Variants in TTLL6 observed in about 807,000 individuals in gnomAD.
The protein encoded by TTLL6 is tubulin tyrosine ligase like 6.
In TTLL6, 75 loss-of-function variants were observed where a neutral mutation model predicts 96.4. That is an observed-to-expected ratio of 0.78 (90% CI 0.65 to 0.94). The LOEUF (loss-of-function observed/expected upper bound fraction) is 0.94. TTLL6 is among the 40% of genes least tolerant of loss of function. The pLI is 0.00. For missense variants in TTLL6, 1,030 were observed against 1,093.0 expected (o/e 0.94, Z 0.81); for synonymous variants, 411 against 419.4 (o/e 0.98, Z 0.24).
At chr17:48,769,525 G>C (rs1298540507) in intron 14 of TTLL6, among the ~76,000 whole-genome samples, 2 of 152,234 alleles carry the variant, frequency 1.3e-5, no homozygotes, top group Non-Finnish European at 2.9e-5. Flanking sequence ...ACAGCAATCT[G>C]TTTTTATCTT....
chr17:48,763,101 G>A, intron 15 of TTLL6, 128 bp from the exon 16 acceptor site: 1 of 354,278 alleles, frequency 2.8e-6, no homozygotes. Context: ...TATATCTGTA[G>A]TCACCAGAAA....
At chr17:48,813,218 A>T (rs1478241543) in intron 1 of TTLL6, among the ~76,000 whole-genome samples, 1 of 152,056 alleles carries the variant, frequency 6.6e-6, no homozygotes, top group Non-Finnish European at 1.5e-5. Context: ...AAAGTAACTG[A>T]TCTCCTAACT....
intron 15 of TTLL6, among the ~76,000 whole-genome samples, chr17:48,768,650 C>G (rs1389412360): frequency 6.6e-6 from 1 of 151,968 alleles, no homozygotes; most frequent in Non-Finnish European, 1.5e-5. Flanking sequence ...AAGTAATCTT[C>G]TCGCCTCAGC....
At chr17:48,810,825 G>GTGTGTATATA (rs368085735) in intron 1 of TTLL6, among the ~76,000 whole-genome samples, 7 of 84,340 alleles carry the variant, frequency 8.3e-5, no homozygotes, top group African/African-American at 2.0e-4. Flanking sequence ...GTATGTGTGT[G>GTGTGTATATA]TATATATATA....
rs1001734052 is a variant in TTLL6 at position 48,762,716 on chromosome 17, G to A, written c.*258C>T. 3.6e-6 allele frequency: 1 copy of A among 277,370 alleles called. No individual in the cohort carries two copies. The highest frequency in any genetic ancestry group is 7.1e-6 in the Non-Finnish European group (1 of 140,532). The allele number at this position is 277,370 out of a possible 1,614,324, so 17.2% of individuals were successfully genotyped here. A position where few individuals can be genotyped will look rare whatever the true frequency, so the allele number is the denominator to read the frequency against. On this transcript the variant is annotated 3_prime_UTR_variant, in exon 16 of 16. Coordinates refer to ENST00000393382, the MANE Select transcript of TTLL6 (RefSeq NM_001130918.3). The stretch of plus-strand genomic sequence containing the variant: ...GAGAAGTGCCACTGGTACGGCAACT[G>A]GAGTGTGTCCTGGGGCAGCACCAAT...
At chr17:48,766,031 A>G (rs1472923897) in intron 15 of TTLL6, among the ~76,000 whole-genome samples, 1 of 152,216 alleles carries the variant, frequency 6.6e-6, no homozygotes, top group Non-Finnish European at 1.5e-5. Flanking sequence ...AAAATACCAG[A>G]GCTTCTTGGG....
intron 11 of TTLL6, among the ~76,000 whole-genome samples, chr17:48,786,831 C>CTTTTTTT (rs11446945): frequency 8.2e-6 from 1 of 122,510 alleles, no homozygotes; most frequent in Non-Finnish European, 1.6e-5. Context: ...CTTCTGTCAT[C>CTTTTTTT]TTTTTTTTTT....
At position 48,769,231 on chromosome 17, in the gene TTLL6, A is replaced by G. The variant is rs772079755; in HGVS notation, c.2434T>C (p.Cys812Arg). The G allele has an allele frequency of 1.2e-6, 2 of 1,606,996 alleles. No individual in the cohort carries two copies. Among genetic ancestry groups the G allele is most frequent in the African/African-American group, 2.7e-5 (2 of 74,690 alleles). ...CCAGAGCTGTCACTGCGGGAGTGGC[A>G]CTCCCCAGGCAGGGAGGGGTTTTCT... ...LSQNPSLPGE[C>R]HSRSDSSGEK... The change falls in exon 15 of 16, where the codon TGC (cysteine) becomes CGC (arginine). Residue 812 changes from cysteine to arginine, a missense_variant. Cys to Arg is a radical substitution (Grantham distance 180, BLOSUM62 -3). Coordinates refer to ENST00000393382, the MANE Select transcript of TTLL6 (RefSeq NM_001130918.3).
At chr17:48,764,561 G>A (rs892677206) in intron 15 of TTLL6, among the ~76,000 whole-genome samples, 10 of 152,078 alleles carry the variant, frequency 6.6e-5, no homozygotes, top group African/African-American at 2.2e-4. Context: ...TTACTCTTAC[G>A]CTTTCCAAAG....
intron 12 of TTLL6, among the ~76,000 whole-genome samples, chr17:48,785,651 T>G (rs1211886865): frequency 6.6e-6 from 1 of 152,096 alleles, no homozygotes; most frequent in Non-Finnish European, 1.5e-5. Flanking sequence ...GCCAGCTGGA[T>G]AGCTGACCCA....
chr17:48,774,091 C>A (rs4793985), intron 13 of TTLL6, among the ~76,000 whole-genome samples: 89,391 of 106,370 alleles, frequency 0.84, 36,322 homozygotes, highest in Middle Eastern at 0.9. Flanking sequence ...TCAAAAAAAA[C>A]AAAACAAAAA....
intron 15 of TTLL6, among the ~76,000 whole-genome samples, chr17:48,765,155 T>C (rs1427304194): frequency 2.6e-5 from 4 of 152,184 alleles, no homozygotes; most frequent in African/African-American, 9.6e-5. Context: ...CTCACGTCTG[T>C]AATCCCAGAG....
At chr17:48,774,098 A>AC (rs1373255843) in intron 13 of TTLL6, among the ~76,000 whole-genome samples, 4 of 110,360 alleles carry the variant, frequency 3.6e-5, no homozygotes, top group East Asian at 4.4e-4. Flanking sequence ...AAACAAAACA[A>AC]AAAAAAAAAA....
chr17:48,811,657 G>A (rs1326183750), intron 1 of TTLL6, among the ~76,000 whole-genome samples: 1 of 148,150 alleles, frequency 6.7e-6, no homozygotes, highest in Non-Finnish European at 1.5e-5. Context: ...AGTTTCAAGT[G>A]AAAACAAAAG....
chr17:48,797,333 C>G (rs1361011998), intron 6 of TTLL6, 129 bp from the exon 7 acceptor site: 1 of 1,010,182 alleles, frequency 9.9e-7, no homozygotes, highest in Non-Finnish European at 1.4e-6. Context: ...CAGGCTTGTC[C>G]AGGGTCAGAG....
Position 48,769,754 on chromosome 17 carries a change from G to T in TTLL6, c.2384C>A (p.Pro795His), listed in dbSNP as rs934788218. 2.5e-5 allele frequency: 40 copies of T among 1,614,012 alleles called. No homozygotes were observed. The highest frequency in any genetic ancestry group is 1.7e-4 in the Middle Eastern group (1 of 6,038). Residue 795 changes from proline (P) to histidine (H), a missense_variant, in exon 14 of 16, where the codon CCC becomes CAC. Physicochemically the swap from Pro to His is moderately conservative, Grantham distance 77. Transcript: ENST00000393382. The part of the protein sequence containing the change: ...KLSFFPAHYN[P>H]KLGMNNLSQN... ...TGACAGGTTATTCATCCCCAGCTTG[G>T]GGTTGTAGTGAGCTGGGAAGAAGGA...
rs568208065 is a variant in TTLL6 at position 48,803,453 on chromosome 17, G to T, written c.361+438C>A. On this transcript the variant is annotated intron_variant, in intron 3 of 15. Transcript: ENST00000393382. Reference sequence around the variant, plus strand: ...AGAGGTTGCAATGAGCTGAGATCACGCCACTGCACTCCAGAGCAAGATTCC... The same window carrying T: ...AGAGGTTGCAATGAGCTGAGATCACTCCACTGCACTCCAGAGCAAGATTCC... Among the ~76,000 whole-genome samples the T allele has an allele frequency of 1.0e-4, 15 of 147,100 alleles. 1 individual carries two copies. In the South Asian group the frequency reaches 2.4e-3, roughly 23 times the overall value.
chr17:48,794,220 C>T (rs554710561), intron 8 of TTLL6: 58 of 1,613,942 alleles, frequency 3.6e-5, no homozygotes, highest in Non-Finnish European at 4.8e-5. Flanking sequence ...TCTGCTACCC[C>T]GAGACACCCC....
intron 3 of TTLL6, 76 bp downstream of exon 3, chr17:48,803,815 C>T (rs1438924714): frequency 6.9e-7 from 1 of 1,451,776 alleles, no homozygotes; most frequent in Non-Finnish European, 9.4e-7. Flanking sequence ...CACAAATATA[C>T]AAGAGTGACT....
Sources: allele counts gnomAD v4.1 joint callset (sites outside exome capture counted in the v4.1 genomes callset), GRCh38; gene constraint gnomAD v4.1.1; transcripts MANE v1.5; gene names NCBI Gene and HGNC (gene_info 2026-07-23, HGNC 2026-07-21).